PTPRM: variants seen among roughly 807,000 people sequenced by gnomAD.
PTPRM encodes protein tyrosine phosphatase receptor type M.
In PTPRM, 47 loss-of-function variants were observed where a neutral mutation model predicts 186.7. The observed-to-expected ratio is 0.25, with a 90% CI of 0.20 to 0.32. PTPRM has a LOEUF of 0.32. Ranked by LOEUF, PTPRM falls within the 10% of genes least tolerant of loss-of-function variation. PTPRM has a pLI of 1.00. For missense variants in PTPRM, 1,494 were observed against 1,865.0 expected (o/e 0.80, Z 3.66); for synonymous variants, 668 against 674.9 (o/e 0.99, Z 0.16).
At chr18:7,615,631 T>A (rs1004192414) in intron 1 of PTPRM, among the ~76,000 whole-genome samples, 1 of 152,092 alleles carries the variant, frequency 6.6e-6, no homozygotes, top group African/African-American at 2.4e-5. Flanking sequence ...TCCCTTCCTG[T>A]AAGGTGGCAG....
intron 14 of PTPRM, 24 bp from the exon 15 acceptor site, chr18:8,244,034 C>A (rs367841458): frequency 2.5e-6 from 4 of 1,599,434 alleles, no homozygotes; most frequent in African/African-American, 1.4e-5. Context: ...TGCATGCCTA[C>A]ATAATTGAAT....
At chr18:7,581,258 T>A (rs1184087961) in intron 1 of PTPRM, among the ~76,000 whole-genome samples, 1 of 152,198 alleles carries the variant, frequency 6.6e-6, no homozygotes, top group Non-Finnish European at 1.5e-5. Context: ...CTCTATGTGA[T>A]GTTTCTAAGG....
chr18:7,669,855 T>G lies in PTPRM; in HGVS notation c.73+101964T>G, dbSNP rs1419069077. On this transcript the variant is annotated intron_variant, in intron 1 of 32. Transcript: ENST00000580170. ...CTCCTGCCTTAGCTTCCCGAATAGC[T>G]GGGATTACAAGCACCTGCCACCAAG... Among the ~76,000 whole-genome samples the G allele has an allele frequency of 1.8e-4, 27 of 152,290 alleles. 1 individual carries two copies. The highest frequency in any genetic ancestry group is 2.9e-5 in the Non-Finnish European group (2 of 68,034).
intron 14 of PTPRM, among the ~76,000 whole-genome samples, chr18:8,170,183 T>G (rs979492795): frequency 2.6e-5 from 4 of 152,170 alleles, no homozygotes; most frequent in African/African-American, 9.7e-5. Flanking sequence ...GACATGTCAG[T>G]GACAATACAA....
chr18:8,325,835 A>G (rs2095372566), intron 22 of PTPRM, among the ~76,000 whole-genome samples: 1 of 152,126 alleles, frequency 6.6e-6, no homozygotes, highest in African/African-American at 2.4e-5. Context: ...CAACCTCTCC[A>G]GCATCTGTTA....
At chr18:8,268,686 G>A (rs570789458) in intron 19 of PTPRM, among the ~76,000 whole-genome samples, 77 of 152,026 alleles carry the variant, frequency 5.1e-4, no homozygotes, top group African/African-American at 1.8e-3. Context: ...CAAAACACTA[G>A]CAAGCCAAAT....
rs189992894 is a variant in PTPRM at position 8,387,680 on chromosome 18, C to T, written c.4208+445C>T. On this transcript the variant is annotated intron_variant, in intron 31 of 32. Transcript: ENST00000580170. ...TCCCACCAGCCAAAGGCCAGTTTAC[C>T]ACCACATTACTTGATTATTCAATTG... Among the ~76,000 whole-genome samples the T allele has an allele frequency of 3.2e-3, 483 of 152,230 alleles. 2 individuals are homozygous for T. Among genetic ancestry groups the T allele is most frequent in the Middle Eastern group, 0.014 (4 of 294 alleles).
chr18:8,280,605 G>A (rs2094892690), intron 19 of PTPRM, among the ~76,000 whole-genome samples: 1 of 152,156 alleles, frequency 6.6e-6, no homozygotes, highest in Non-Finnish European at 1.5e-5. Flanking sequence ...CTATTTAAAT[G>A]TAAATAATTT....
At chr18:8,307,085 G>A (rs555926994) in intron 20 of PTPRM, among the ~76,000 whole-genome samples, 6 of 152,170 alleles carry the variant, frequency 3.9e-5, no homozygotes, top group Non-Finnish European at 7.3e-5. Context: ...GAGAGGACGC[G>A]TAAGAATCTG....
At chr18:7,591,654 T>A (rs759775566) in intron 1 of PTPRM, among the ~76,000 whole-genome samples, 7 of 152,372 alleles carry the variant, frequency 4.6e-5, no homozygotes, top group African/African-American at 1.7e-4. Flanking sequence ...TCCAGAGTGC[T>A]AGGTTTTTAA....
chr18:7,659,576 C>T (rs1197630365), intron 1 of PTPRM, among the ~76,000 whole-genome samples: 1 of 152,202 alleles, frequency 6.6e-6, no homozygotes, highest in African/African-American at 2.4e-5. Context: ...GCACCTACTA[C>T]AGTGCTTGAC....
chr18:7,751,561 C>T (rs1034271782), intron 1 of PTPRM: 4 of 152,136 alleles, frequency 2.6e-5, no homozygotes, highest in African/African-American at 7.2e-5. Context: ...GGAATTAGAC[C>T]TGTGTCTGGA....
chr18:8,064,776 C>T (rs962525670), intron 7 of PTPRM, among the ~76,000 whole-genome samples: 1 of 152,158 alleles, frequency 6.6e-6, no homozygotes, highest in African/African-American at 2.4e-5. Flanking sequence ...AAAAACAAGG[C>T]CATGTACCCA....
chr18:7,681,046 T>C (rs902269748), intron 1 of PTPRM, among the ~76,000 whole-genome samples: 1 of 152,198 alleles, frequency 6.6e-6, no homozygotes, highest in Non-Finnish European at 1.5e-5. Context: ...TAGGTCCTCC[T>C]TGAGCCCCTG....
At chr18:7,655,034 G>T (rs1457691681) in intron 1 of PTPRM, among the ~76,000 whole-genome samples, 1 of 152,104 alleles carries the variant, frequency 6.6e-6, no homozygotes, top group Non-Finnish European at 1.5e-5. Flanking sequence ...TATATAAATT[G>T]CTTTGAGCAG....
Position 8,049,084 on chromosome 18 carries a change from T to C in PTPRM, c.1133-20602T>C, listed in dbSNP as rs117619757. 4.4e-4 allele frequency among the ~76,000 whole-genome samples: 67 copies of C among 152,366 alleles called. 1 individual carries two copies. The East Asian group carries it at 0.012, about 27-fold the overall frequency. On this transcript the variant is annotated intron_variant, in intron 7 of 32. Coordinates refer to ENST00000580170, the MANE Select transcript of PTPRM (RefSeq NM_001105244.2). Reference sequence around the variant, plus strand: ...AATCATTTTGCCTCCTCCTGTTTTATATAGTCTGAAATAAATATCAAGGAA... The same window carrying C: ...AATCATTTTGCCTCCTCCTGTTTTACATAGTCTGAAATAAATATCAAGGAA...
intron 1 of PTPRM, among the ~76,000 whole-genome samples, chr18:7,694,890 A>T (rs1255520439): frequency 6.6e-6 from 1 of 152,222 alleles, no homozygotes; most frequent in Non-Finnish European, 1.5e-5. Flanking sequence ...AAGTAAAAAG[A>T]AAGAAACAGA....
chr18:7,874,230 AAGTT>A (rs1306698176), intron 2 of PTPRM, among the ~76,000 whole-genome samples: 1 of 152,222 alleles, frequency 6.6e-6, no homozygotes, highest in Non-Finnish European at 1.5e-5. Context: ...AGTTAAGTGA[AAGTT>A]AGGAAGAAAT....
Position 8,379,330 on chromosome 18 carries a change from C to T in PTPRM, c.3776C>T (p.Ala1259Val), listed in dbSNP as rs748889473. The T allele has an allele frequency of 9.3e-6, 15 of 1,610,188 alleles. No individual in the cohort carries two copies. Among genetic ancestry groups the T allele is most frequent in the Non-Finnish European group, 1.3e-5 (15 of 1,178,546 alleles). Reference protein sequence around the residue: ...DGESSNYINAALMDSYKQPSA... With the variant: ...DGESSNYINAVLMDSYKQPSA... ...GAGAGCAGCAACTACATCAATGCTG[C>T]CCTCATGGACGTGAGTGCCCCGCTT... Residue 1259 changes from alanine to valine, a missense_variant, in exon 28 of 33, where the codon GCC (alanine) becomes GTC (valine). Ala to Val is a moderately conservative substitution (Grantham distance 64). Transcript: ENST00000580170.
Sources: gnomAD v4.1 joint callset for allele counts (sites outside exome capture counted in the v4.1 genomes callset) on GRCh38, gnomAD v4.1.1 for gene constraint, MANE v1.5 for transcripts, NCBI Gene and HGNC (gene_info 2026-07-23, HGNC 2026-07-21) for gene names.